The following LRP1B variants were observed in gnomAD, a reference collection of about 807,000 sequenced individuals.
LRP1B encodes LDL receptor related protein 1B, also known as low-density lipoprotein receptor-related protein 1B.
A neutral mutation model predicts 556.6 loss-of-function variants in LRP1B; 217 were observed. The observed-to-expected ratio is 0.39, with a 90% CI of 0.35 to 0.44. The LOEUF (loss-of-function observed/expected upper bound fraction) is 0.44, where lower values mean the gene tolerates loss of function less well. Ranked by LOEUF, LRP1B falls within the 20% of genes least tolerant of loss-of-function variation. The pLI is 1.00. For missense variants in LRP1B, 5,053 were observed against 5,620.8 expected (o/e 0.90, Z 3.23); for synonymous variants, 2,047 against 1,865.8 (o/e 1.10, Z -2.50).
intron 59 of LRP1B, among the ~76,000 whole-genome samples, chr2:140,478,750 G>A (rs1234897639): frequency 6.6e-6 from 1 of 152,024 alleles, no homozygotes; most frequent in Non-Finnish European, 1.5e-5. Flanking sequence ...ATTGCCTCAT[G>A]TCTAAAAGAA....
At chr2:140,694,992 T>A (rs1215869213) in intron 41 of LRP1B, among the ~76,000 whole-genome samples, 1 of 151,234 alleles carries the variant, frequency 6.6e-6, no homozygotes, top group East Asian at 1.9e-4. Flanking sequence ...CTTTTCATAC[T>A]TTTTTTTTCT....
At chr2:142,122,969 C>T (rs1707510528) in intron 1 of LRP1B, among the ~76,000 whole-genome samples, 2 of 152,096 alleles carry the variant, frequency 1.3e-5, no homozygotes, top group South Asian at 2.1e-4. Flanking sequence ...GTTTAAGGTT[C>T]TAATTAGCTC....
intron 35 of LRP1B, among the ~76,000 whole-genome samples, chr2:140,753,631 A>G (rs1040479015): frequency 7.9e-5 from 12 of 152,218 alleles, no homozygotes; most frequent in Non-Finnish European, 1.8e-4. Flanking sequence ...TTAAGAAAAT[A>G]TACTAACTCT....
At chr2:140,691,488 C>CAAA (rs35775292) in intron 41 of LRP1B, among the ~76,000 whole-genome samples, 35 of 92,740 alleles carry the variant, frequency 3.8e-4, no homozygotes, top group Middle Eastern at 7.2e-3. Context: ...AACTCCACCT[C>CAAA]AAAAAAAAAA....
At chr2:140,941,748 G>A (rs999055979) in intron 20 of LRP1B, among the ~76,000 whole-genome samples, 3 of 152,094 alleles carry the variant, frequency 2.0e-5, no homozygotes, top group Non-Finnish European at 4.4e-5. Context: ...ATACATGTAA[G>A]TTAAACCTTT....
At chr2:141,394,593 A>G (rs1690173447) in intron 3 of LRP1B, among the ~76,000 whole-genome samples, 1 of 152,090 alleles carries the variant, frequency 6.6e-6, no homozygotes, top group African/African-American at 2.4e-5. Context: ...TGGTCATTAG[A>G]ATGCCTATGA....
At chr2:140,859,971 G>T (rs1692740837) in intron 27 of LRP1B, among the ~76,000 whole-genome samples, 1 of 151,916 alleles carries the variant, frequency 6.6e-6, no homozygotes, top group Non-Finnish European at 1.5e-5. Context: ...CTCCAGCCTG[G>T]GTGAAAGAGC....
At chr2:141,883,531 C>A (rs1005858058) in intron 1 of LRP1B, among the ~76,000 whole-genome samples, 1 of 151,952 alleles carries the variant, frequency 6.6e-6, no homozygotes, top group Admixed American at 6.6e-5. Flanking sequence ...ATGTGATGAG[C>A]CAACGTAGCA....
At chr2:141,596,463 T>G (rs1687524561) in intron 2 of LRP1B, among the ~76,000 whole-genome samples, 1 of 152,054 alleles carries the variant, frequency 6.6e-6, no homozygotes, top group East Asian at 1.9e-4. Flanking sequence ...GATGAGTAGA[T>G]GGATGTAGGT....
rs777063545 is a variant in LRP1B at position 140,370,852 on chromosome 2, T to C, written c.10876-10A>G. On this transcript the variant is annotated splice_polypyrimidine_tract_variant and intron_variant, in intron 70 of 90. Transcript: ENST00000389484. Reference sequence around the variant, plus strand: ...CAGTCACACAGTCCATCTGTTCAAATACAAATGGACACTGCAGTTTTCATT... The same window carrying C: ...CAGTCACACAGTCCATCTGTTCAAACACAAATGGACACTGCAGTTTTCATT... The C allele has an allele frequency of 6.2e-6, 10 of 1,611,670 alleles. No homozygotes were observed. The highest frequency in any genetic ancestry group is 8.5e-6 in the Non-Finnish European group (10 of 1,178,598).
intron 43 of LRP1B, among the ~76,000 whole-genome samples, chr2:140,554,884 G>GTGTGTGTATATA (rs56040453): frequency 1.7e-4 from 25 of 148,542 alleles, no homozygotes; most frequent in Non-Finnish European, 1.6e-4. Context: ...GTGTGTGTGT[G>GTGTGTGTATATA]TATATGTATA....
chr2:140,277,949 A>T (rs1469503294), intron 84 of LRP1B, among the ~76,000 whole-genome samples: 1 of 151,946 alleles, frequency 6.6e-6, no homozygotes, highest in Non-Finnish European at 1.5e-5. Context: ...GCAATATTTT[A>T]AAAAGCCCAA....
At chr2:141,477,840 C>T (rs1405606611) in intron 3 of LRP1B, among the ~76,000 whole-genome samples, 1 of 152,024 alleles carries the variant, frequency 6.6e-6, no homozygotes, top group Non-Finnish European at 1.5e-5. Context: ...TCTAAGTCTA[C>T]CATAGGTCAT....
At chr2:140,665,767 C>T (rs189784542) in intron 41 of LRP1B, among the ~76,000 whole-genome samples, 43 of 152,168 alleles carry the variant, frequency 2.8e-4, no homozygotes, top group African/African-American at 9.6e-4. Context: ...GATCCTAAAA[C>T]GCATGCTAGA....
chr2:141,724,696 CCATTAAAT>C (rs138446148), intron 2 of LRP1B, among the ~76,000 whole-genome samples: 6,793 of 151,690 alleles, frequency 0.045, 205 homozygotes, highest in South Asian at 0.1. Flanking sequence ...TTCATTTAAA[CCATTAAAT>C]GGTGACAAGG....
At chr2:142,130,162 G>A (rs988485917) in intron 1 of LRP1B, among the ~76,000 whole-genome samples, 1 of 152,160 alleles carries the variant, frequency 6.6e-6, no homozygotes, top group African/African-American at 2.4e-5. Context: ...GAAACGAAAG[G>A]GGCCTGAATC....
At chr2:142,071,549 A>G (rs1705310479) in intron 1 of LRP1B, among the ~76,000 whole-genome samples, 1 of 152,000 alleles carries the variant, frequency 6.6e-6, no homozygotes, top group Admixed American at 6.6e-5. Flanking sequence ...AAATTTAAAT[A>G]TCCTCATTTA....
intron 20 of LRP1B, among the ~76,000 whole-genome samples, chr2:140,929,561 C>A (rs1694987035): frequency 6.6e-6 from 1 of 151,994 alleles, no homozygotes; most frequent in Non-Finnish European, 1.5e-5. Context: ...ACCTTATAGG[C>A]ATTTGGGAAC....
intron 2 of LRP1B, among the ~76,000 whole-genome samples, chr2:141,584,864 T>C (rs1022765826): frequency 1.3e-5 from 2 of 152,034 alleles, no homozygotes; most frequent in Non-Finnish European, 2.9e-5. Flanking sequence ...AGACAGACAG[T>C]AGAATGGTGG....
Sources: allele counts gnomAD v4.1 joint callset (sites outside exome capture counted in the v4.1 genomes callset), GRCh38; gene constraint gnomAD v4.1.1; transcripts MANE v1.5; gene names NCBI Gene and HGNC (gene_info 2026-07-23, HGNC 2026-07-21).